The following KIF24 variants were observed in gnomAD, a reference collection of about 807,000 sequenced individuals.
KIF24 encodes kinesin-like protein KIF24.
A neutral mutation model predicts 118.9 loss-of-function variants in KIF24; 81 were observed. The ratio of observed to expected loss-of-function variants is 0.68; its 90% CI spans 0.57 to 0.82. The LOEUF is 0.82. KIF24 is among the 40% of genes least tolerant of loss of function. The probability of loss-of-function intolerance (pLI) is 0.00; values close to 1 mark genes in which losing one functional copy is unlikely to be tolerated. For synonymous variants in KIF24, 599 were observed against 610.0 expected, an observed-to-expected ratio of 0.98 and a Z score of 0.27; for missense variants, 1,560 against 1,661.6, an observed-to-expected ratio of 0.94 and a Z score of 1.06.
At chr9:34,280,283 C>CAAAAAAAAAAA (rs56387532) in intron 6 of KIF24, among the ~76,000 whole-genome samples, 9 of 64,456 alleles carry the variant, frequency 1.4e-4, no homozygotes, top group African/African-American at 7.4e-4. Context: ...GACTCCGTCT[C>CAAAAAAAAAAA]AAAAAAAAAA....
intron 3 of KIF24, among the ~76,000 whole-genome samples, chr9:34,303,138 C>T (rs1212631892): frequency 6.6e-6 from 1 of 151,684 alleles, no homozygotes; most frequent in African/African-American, 2.4e-5. Context: ...TGGTTTTGAA[C>T]CCCTGGGCTC....
chr9:34,328,692 A>G (rs1193830820), intron 1 of KIF24, among the ~76,000 whole-genome samples: 2 of 152,270 alleles, frequency 1.3e-5, no homozygotes, highest in Non-Finnish European at 2.9e-5. Context: ...TGTGCAAGAC[A>G]TTGTGAACGA....
rs1031746433 is a variant in KIF24 at position 34,252,411 on chromosome 9, G to A, written c.*1969C>T. 6.6e-6 allele frequency: 1 copy of A among 152,568 alleles called. No homozygotes were observed. The allele number at this position is 152,568 out of a possible 1,614,324, so 9.5% of individuals were successfully genotyped here. ...TCTCTGGTTTGTTTTGTATTATGTT[G>A]TACATCATTAAAGATCTAAATACAA... On this transcript the variant is annotated 3_prime_UTR_variant, in exon 13 of 13. Coordinates refer to ENST00000402558, the MANE Select transcript of KIF24 (RefSeq NM_194313.4).
Position 34,254,662 on chromosome 9 carries a change from T to C in KIF24, c.3967-142A>G, listed in dbSNP as rs563405739. On this transcript the variant is annotated intron_variant, in intron 12 of 12. Coordinates refer to ENST00000402558, the MANE Select transcript of KIF24 (RefSeq NM_194313.4). ...GGGAGAACATGTAGGATAGTTGCTATGGCACAGGGTGGGGCCTGCTGCTCT... is the reference window on the plus strand; with the variant it reads ...GGGAGAACATGTAGGATAGTTGCTACGGCACAGGGTGGGGCCTGCTGCTCT... The C allele has an allele frequency of 7.9e-5, 63 of 796,600 alleles. 1 individual carries two copies. The East Asian group carries it at 1.5e-3, about 18-fold the overall frequency. The allele number at this position is 796,600 out of a possible 1,614,324, so 49.3% of individuals were successfully genotyped here. A position where few individuals can be genotyped will look rare whatever the true frequency, so the allele number is the denominator to read the frequency against.
chr9:34,282,883 C>G (rs1835898566), intron 6 of KIF24, among the ~76,000 whole-genome samples: 1 of 151,656 alleles, frequency 6.6e-6, no homozygotes, highest in South Asian at 2.1e-4. Context: ...GAAACCCCGT[C>G]TCTACTAAAA....
chr9:34,296,669 C>T (rs1454604027), intron 4 of KIF24, among the ~76,000 whole-genome samples: 1 of 152,074 alleles, frequency 6.6e-6, no homozygotes, highest in African/African-American at 2.4e-5. Flanking sequence ...CTAACTCCAA[C>T]CACCTGAACC....
upstream of KIF24, among the ~76,000 whole-genome samples, chr9:34,333,257 C>T (rs931621211): frequency 3.3e-5 from 5 of 152,080 alleles, no homozygotes; most frequent in African/African-American, 1.2e-4. Flanking sequence ...ACGGCCCTCT[C>T]CCCCCAACTA....
In KIF24 at chr9:34,290,220, C is replaced by A. The variant is rs937527258; in HGVS notation, c.1081G>T (p.Glu361Ter). 6.2e-7 allele frequency: 1 copy of A among 1,613,886 alleles called. No individual in the cohort carries two copies. The change falls in exon 5 of 13, where the codon GAA becomes TAA. Residue 361 changes from glutamate to a stop codon, truncating the protein, a stop_gained. Transcript: ENST00000402558. LOFTEE classifies it high-confidence loss of function. ...KHLFVWISFY[E>*]IYCGQLYDLL... is the part of the protein sequence containing the mutation. Reference sequence around the variant, plus strand: ...TCATAAAGCTGTCCACAGTAAATTTCATAGAAGCTGATCCACACAAAGAGG... The same window carrying A: ...TCATAAAGCTGTCCACAGTAAATTTAATAGAAGCTGATCCACACAAAGAGG...
intron 8 of KIF24, among the ~76,000 whole-genome samples, chr9:34,264,434 G>GAAA (rs1022492345): frequency 8.2e-6 from 1 of 122,576 alleles, no homozygotes; most frequent in Non-Finnish European, 1.8e-5. Context: ...CGTCTCAAGA[G>GAAA]AAAAAAAAAA....
upstream of KIF24, among the ~76,000 whole-genome samples, chr9:34,332,422 A>G (rs1253459999): frequency 2.0e-5 from 3 of 152,162 alleles, no homozygotes; most frequent in African/African-American, 7.2e-5. Flanking sequence ...CACTTTCACT[A>G]GCCTGTAAAT....
At chr9:34,319,611 C>T (rs900103049) in intron 1 of KIF24, 4 of 909,890 alleles carry the variant, frequency 4.4e-6, no homozygotes, top group Non-Finnish European at 7.3e-6. Flanking sequence ...GTTCACTGGG[C>T]ACCTGGTCCG....
chr9:34,282,057 C>T (rs1835867778), intron 6 of KIF24, among the ~76,000 whole-genome samples: 1 of 152,182 alleles, frequency 6.6e-6, no homozygotes. Context: ...ATGGAACACA[C>T]TTGTCCACAC....
In KIF24 at chr9:34,254,291, G is replaced by T; in HGVS notation, c.*89C>A. 7.1e-7 allele frequency: 1 copy of T among 1,414,222 alleles called. No individual in the cohort carries two copies. 87.6% of individuals were successfully genotyped at this position (1,414,222 alleles called of 1,614,324 possible). On this transcript the variant is annotated 3_prime_UTR_variant, in exon 13 of 13. Coordinates refer to ENST00000402558, the MANE Select transcript of KIF24 (RefSeq NM_194313.4). Reference sequence around the variant, plus strand: ...GACCAGCGTGTGGGTTCTGGTGTGTGCAGGGAGGACCTGGCAGAGGCTCCT... The same window carrying T: ...GACCAGCGTGTGGGTTCTGGTGTGTTCAGGGAGGACCTGGCAGAGGCTCCT...
intron 3 of KIF24, among the ~76,000 whole-genome samples, chr9:34,304,331 A>G (rs921714984): frequency 2.0e-5 from 3 of 152,208 alleles, no homozygotes; most frequent in Admixed American, 2.0e-4. Flanking sequence ...GCAAAGGTCC[A>G]AAGTTCAAAC....
chr9:34,288,270 G>A (rs1836124905), intron 5 of KIF24, among the ~76,000 whole-genome samples: 1 of 152,104 alleles, frequency 6.6e-6, no homozygotes, highest in African/African-American at 2.4e-5. Flanking sequence ...AGGATTGTTT[G>A]AGCCCAGGAG....
At chr9:34,290,044 G>A in intron 5 of KIF24, 130 bp downstream of exon 5, 3 of 579,496 alleles carry the variant, frequency 5.2e-6, no homozygotes, top group South Asian at 2.6e-5. Flanking sequence ...TCTGATGCAG[G>A]AGCCTCATTT....
chr9:34,283,067 A>G (rs1835910203), intron 6 of KIF24, among the ~76,000 whole-genome samples: 1 of 151,084 alleles, frequency 6.6e-6, no homozygotes, highest in African/African-American at 2.4e-5. Flanking sequence ...AAAAAAAAAA[A>G]AAAAAAAAGA....
chr9:34,329,377 T>C (rs1375020445), upstream of KIF24: 2 of 152,254 alleles, frequency 1.3e-5, no homozygotes, highest in East Asian at 1.9e-4. Context: ...ATCAGAGGTC[T>C]GAAGAAACCG....
At chr9:34,319,306 G>A (rs996974327) in intron 1 of KIF24, 27 of 966,740 alleles carry the variant, frequency 2.8e-5, no homozygotes, top group Middle Eastern at 2.0e-4. Context: ...GAAGCCTGTC[G>A]CCATCTCCTT....
Sources: gnomAD v4.1 joint callset for allele counts (sites outside exome capture counted in the v4.1 genomes callset) on GRCh38, gnomAD v4.1.1 for gene constraint, MANE v1.5 for transcripts, NCBI Gene and HGNC (gene_info 2026-07-23, HGNC 2026-07-21) for gene names.